GRID2: variants seen among roughly 807,000 people sequenced by gnomAD.
GRID2 encodes the protein glutamate receptor ionotropic, delta-2.
In GRID2, 33 loss-of-function variants were observed where a neutral mutation model predicts 114.8. That is an observed-to-expected ratio of 0.29 (90% CI 0.22 to 0.38). The LOEUF (loss-of-function observed/expected upper bound fraction) is 0.38, where lower values mean the gene tolerates loss of function less well. GRID2 is among the 10% of genes least tolerant of loss of function. GRID2 has a pLI of 1.00. For missense variants in GRID2, 1,184 were observed against 1,257.7 expected, an observed-to-expected ratio of 0.94 and a Z score of 0.89; for synonymous variants, 505 against 449.9, an observed-to-expected ratio of 1.12 and a Z score of -1.55.
At chr4:92,698,799 T>G (rs560916751) in intron 2 of GRID2, among the ~76,000 whole-genome samples, 221 of 152,236 alleles carry the variant, frequency 1.5e-3, no homozygotes, top group Middle Eastern at 0.014. Flanking sequence ...GAGAAGTGTT[T>G]CTTATATTCA....
intron 1 of GRID2, among the ~76,000 whole-genome samples, chr4:92,383,646 T>G (rs1196870764): frequency 2.0e-5 from 3 of 151,992 alleles, no homozygotes; most frequent in African/African-American, 7.2e-5. Context: ...GTATTTGCTC[T>G]GTGTATGTTT....
At chr4:92,804,621 A>T (rs1009003269) in intron 2 of GRID2, among the ~76,000 whole-genome samples, 7 of 152,052 alleles carry the variant, frequency 4.6e-5, no homozygotes, top group Non-Finnish European at 7.4e-5. Context: ...CTTGATTAGT[A>T]TTCTCCTGTA....
chr4:92,496,828 T>C (rs1424079921), intron 1 of GRID2, among the ~76,000 whole-genome samples: 1 of 151,714 alleles, frequency 6.6e-6, no homozygotes, highest in African/African-American at 2.4e-5. Context: ...ATATGAGACA[T>C]GTTTGTTAAA....
exon 2 of GRID2, chr4:93,809,729 G>A (rs1345285605): frequency 2.0e-5 from 3 of 152,144 alleles, no homozygotes; most frequent in Non-Finnish European, 4.4e-5. Context: ...CTATAAGTCA[G>A]AATGGCTGAC....
intron 2 of GRID2, among the ~76,000 whole-genome samples, chr4:92,694,354 A>G (rs1309173549): frequency 6.6e-6 from 1 of 152,174 alleles, no homozygotes; most frequent in Admixed American, 6.5e-5. Context: ...TCCAAAAGGA[A>G]GATGGGAGAA....
chr4:92,705,384 A>T (rs1734907169), intron 2 of GRID2, among the ~76,000 whole-genome samples: 1 of 152,210 alleles, frequency 6.6e-6, no homozygotes, highest in South Asian at 2.1e-4. Flanking sequence ...CACGCCAGGC[A>T]TTGTTGAAAG....
At chr4:93,577,604 A>G (rs895066108) in intron 13 of GRID2, among the ~76,000 whole-genome samples, 77 of 152,342 alleles carry the variant, frequency 5.1e-4, no homozygotes, top group African/African-American at 7.9e-4. Context: ...TATTCATGGA[A>G]CAAATGCTAT....
chr4:92,990,652 C>T (rs976253878), intron 2 of GRID2, among the ~76,000 whole-genome samples: 2 of 151,658 alleles, frequency 1.3e-5, no homozygotes, highest in Non-Finnish European at 2.9e-5. Flanking sequence ...GTAAATGCTA[C>T]GTATATTTAC....
intron 2 of GRID2, among the ~76,000 whole-genome samples, chr4:92,734,106 G>A (rs2149326438): frequency 6.6e-6 from 1 of 151,932 alleles, no homozygotes; most frequent in South Asian, 2.1e-4. Context: ...CAGTTGCTTT[G>A]TAATTTATTT....
intron 1 of GRID2, among the ~76,000 whole-genome samples, chr4:92,528,216 A>G (rs1453676314): frequency 1.3e-5 from 2 of 151,554 alleles, no homozygotes; most frequent in East Asian, 3.9e-4. Flanking sequence ...AGATAACAAA[A>G]TAAGTGTATG....
intron 14 of GRID2, among the ~76,000 whole-genome samples, chr4:93,651,730 G>T (rs939042631): frequency 2.0e-5 from 3 of 152,148 alleles, no homozygotes; most frequent in African/African-American, 7.2e-5. Flanking sequence ...ACGTGAACTT[G>T]TTTGAAAAGA....
chr4:92,550,725 T>G (rs77825650), intron 1 of GRID2, among the ~76,000 whole-genome samples: 3,748 of 152,170 alleles, frequency 0.025, 156 homozygotes, highest in African/African-American at 0.086. Context: ...GAAAACATGA[T>G]GGGTCATAAC....
At chr4:93,623,141 T>C (rs554669073) in intron 13 of GRID2, among the ~76,000 whole-genome samples, 20 of 152,266 alleles carry the variant, frequency 1.3e-4, no homozygotes, top group Non-Finnish European at 2.4e-4. Context: ...AGTTTTATGA[T>C]GGCAGATGAT....
chr4:92,929,341 GTTTC>G (rs1013660880), intron 2 of GRID2, among the ~76,000 whole-genome samples: 3 of 150,722 alleles, frequency 2.0e-5, no homozygotes, highest in Non-Finnish European at 3.0e-5. Flanking sequence ...TCATAATTTT[GTTTC>G]TTTTTTTCTC....
At chr4:93,695,376 GTAATT>G (rs1726933409) in intron 14 of GRID2, among the ~76,000 whole-genome samples, 1 of 152,144 alleles carries the variant, frequency 6.6e-6, no homozygotes, top group African/African-American at 2.4e-5. Context: ...TGTAAGAAGA[GTAATT>G]TATGTTAAGA....
chr4:93,587,110 C>T (rs934118290), intron 13 of GRID2, among the ~76,000 whole-genome samples: 3 of 152,044 alleles, frequency 2.0e-5, no homozygotes, highest in African/African-American at 7.2e-5. Context: ...TCTATCATTT[C>T]TCTTTATTCC....
intron 4 of GRID2, among the ~76,000 whole-genome samples, chr4:93,163,356 GTATA>G (rs57285537): frequency 0.049 from 2,708 of 55,282 alleles, 53 homozygotes; most frequent in South Asian, 0.062. Flanking sequence ...TTTTTTTTGT[GTATA>G]TATATATATA....
chr4:93,479,909 T>C (rs948401951), intron 11 of GRID2, among the ~76,000 whole-genome samples: 4 of 152,024 alleles, frequency 2.6e-5, no homozygotes, highest in Non-Finnish European at 4.4e-5. Context: ...ATAGCAAAAA[T>C]AGAGAAATGA....
chr4:93,630,637 T>A (rs1204616637), intron 14 of GRID2, among the ~76,000 whole-genome samples: 1 of 152,172 alleles, frequency 6.6e-6, no homozygotes, highest in Non-Finnish European at 1.5e-5. Flanking sequence ...GTGTTCCAAG[T>A]TGCATGGAGA....
Sources: gnomAD v4.1 joint callset for allele counts (sites outside exome capture counted in the v4.1 genomes callset) on GRCh38, gnomAD v4.1.1 for gene constraint, MANE v1.5 for transcripts, NCBI Gene and HGNC (gene_info 2026-07-23, HGNC 2026-07-21) for gene names.